CHCHD3: variants seen among roughly 807,000 people sequenced by gnomAD.
CHCHD3 encodes MICOS complex subunit MIC19.
A neutral mutation model predicts 38.2 loss-of-function variants in CHCHD3; 20 were observed. That is an observed-to-expected ratio of 0.52 (90% confidence interval 0.37 to 0.76). CHCHD3 has a LOEUF of 0.76. Ranked by LOEUF, CHCHD3 falls within the 30% of genes least tolerant of loss-of-function variation. The pLI, the probability that CHCHD3 is intolerant of heterozygous loss-of-function variation, is 0.00. For synonymous variants in CHCHD3, 82 were observed against 100.0 expected (o/e 0.82, Z 1.07); for missense variants, 245 against 279.2 (o/e 0.88, Z 0.87).
intron 3 of CHCHD3, among the ~76,000 whole-genome samples, chr7:132,992,273 C>T (rs1812302550): frequency 6.6e-6 from 1 of 152,152 alleles, no homozygotes; most frequent in Non-Finnish European, 1.5e-5. Flanking sequence ...AGCCTCAGTG[C>T]ACCCCATTCT....
chr7:133,041,120 T>C (rs1412158826), intron 2 of CHCHD3, among the ~76,000 whole-genome samples: 1 of 152,222 alleles, frequency 6.6e-6, no homozygotes, highest in Non-Finnish European at 1.5e-5. Flanking sequence ...CATGTGTTTA[T>C]GTATATTGTT....
chr7:132,941,848 C>G (rs1810773482), intron 4 of CHCHD3, among the ~76,000 whole-genome samples: 1 of 152,168 alleles, frequency 6.6e-6, no homozygotes. Context: ...TCTGCCAGTC[C>G]TGATTAACAT....
chr7:132,927,227 T>C (rs1054366925), intron 4 of CHCHD3, among the ~76,000 whole-genome samples: 1 of 152,234 alleles, frequency 6.6e-6, no homozygotes, highest in Admixed American at 6.5e-5. Flanking sequence ...ATAAATGTTC[T>C]ACAAACTACT....
At chr7:132,810,342 A>G (rs1421165696) in intron 6 of CHCHD3, among the ~76,000 whole-genome samples, 1 of 152,240 alleles carries the variant, frequency 6.6e-6, no homozygotes, top group African/African-American at 2.4e-5. Flanking sequence ...AAGCATCCAC[A>G]CGGTAACTCT....
At chr7:132,920,944 C>T (rs987959293) in intron 4 of CHCHD3, among the ~76,000 whole-genome samples, 10 of 152,066 alleles carry the variant, frequency 6.6e-5, no homozygotes, top group African/African-American at 2.4e-4. Context: ...CTAAACATCA[C>T]TTATTTTCTG....
At chr7:132,831,620 A>T (rs909041627) in intron 6 of CHCHD3, among the ~76,000 whole-genome samples, 5 of 152,228 alleles carry the variant, frequency 3.3e-5, no homozygotes, top group African/African-American at 9.6e-5. Flanking sequence ...AATAGCTCAA[A>T]CTTTTGAAAT....
intron 1 of CHCHD3, among the ~76,000 whole-genome samples, chr7:133,070,697 T>C (rs530763470): frequency 6.9e-6 from 1 of 145,808 alleles, no homozygotes; most frequent in Non-Finnish European, 1.5e-5. Context: ...ACAGATTTCA[T>C]GATGGATCAA....
At chr7:132,845,894 T>C (rs1410076794) in intron 5 of CHCHD3, among the ~76,000 whole-genome samples, 2 of 152,182 alleles carry the variant, frequency 1.3e-5, no homozygotes, top group African/African-American at 4.8e-5. Flanking sequence ...ATTGGCAATA[T>C]TGAAAAATGA....
intron 3 of CHCHD3, among the ~76,000 whole-genome samples, chr7:133,004,333 A>G (rs1812646173): frequency 2.6e-5 from 4 of 152,204 alleles, no homozygotes; most frequent in Admixed American, 2.6e-4. Flanking sequence ...CAGATCCATC[A>G]GTTTTTCCAT....
At chr7:133,023,715 A>G (rs986329597) in intron 3 of CHCHD3, among the ~76,000 whole-genome samples, 4 of 152,204 alleles carry the variant, frequency 2.6e-5, no homozygotes, top group Non-Finnish European at 1.5e-5. Context: ...TAAAACTTCA[A>G]AAAGTAGTAT....
chr7:132,986,655 C>T (rs1812132917), intron 3 of CHCHD3, among the ~76,000 whole-genome samples: 1 of 152,144 alleles, frequency 6.6e-6, no homozygotes, highest in Non-Finnish European at 1.5e-5. Flanking sequence ...CAAGAAACAG[C>T]AAACCAGTTC....
At chr7:133,058,545 C>A (rs891558355) in intron 2 of CHCHD3, among the ~76,000 whole-genome samples, 6 of 152,184 alleles carry the variant, frequency 3.9e-5, no homozygotes, top group African/African-American at 1.4e-4. Flanking sequence ...TTTGGGGGAG[C>A]TGTTGACCTT....
At chr7:133,029,483 C>T (rs1490122087) in intron 2 of CHCHD3, among the ~76,000 whole-genome samples, 7 of 152,178 alleles carry the variant, frequency 4.6e-5, no homozygotes, top group Non-Finnish European at 8.8e-5. Flanking sequence ...TAGGTAAGAA[C>T]ATACAGTATT....
intron 4 of CHCHD3, among the ~76,000 whole-genome samples, chr7:132,897,436 G>T (rs1283102746): frequency 6.6e-6 from 1 of 152,086 alleles, no homozygotes; most frequent in African/African-American, 2.4e-5. Context: ...CTCTTTTCTT[G>T]CAATCTGTTT....
chr7:132,810,295 G>A (rs1020017603), intron 6 of CHCHD3, among the ~76,000 whole-genome samples: 10 of 152,100 alleles, frequency 6.6e-5, no homozygotes, highest in South Asian at 2.1e-4. Context: ...AAGTTCATAC[G>A]GGTGTATAAG....
In CHCHD3 at chr7:133,000,891, T is replaced by C. The variant is rs934952983; in HGVS notation, c.251+23655A>G. Among the ~76,000 whole-genome samples the C allele has an allele frequency of 2.6e-5, 4 of 152,166 alleles. No homozygotes were observed. The South Asian group carries it at 6.2e-4, about 24-fold the overall frequency. On this transcript the variant is annotated intron_variant, in intron 3 of 7. Transcript: ENST00000262570. ...AGTGTTTAATAGTCACCTGTGACCATAGGACAGCACAGAGCTACAGTAAGT... is the reference window on the plus strand; with the variant it reads ...AGTGTTTAATAGTCACCTGTGACCACAGGACAGCACAGAGCTACAGTAAGT...
At chr7:132,785,788 T>C (rs1806300735) in intron 7 of CHCHD3, 128 bp from the exon 8 acceptor site, 1 of 964,194 alleles carries the variant, frequency 1.0e-6, no homozygotes, top group African/African-American at 1.6e-5. Flanking sequence ...AAACAAGGCA[T>C]ATGCTTCCTG....
chr7:132,869,595 A>T lies in CHCHD3; in HGVS notation c.453+16067T>A, dbSNP rs187856368. On this transcript the variant is annotated intron_variant, in intron 5 of 7. Coordinates refer to ENST00000262570, the MANE Select transcript of CHCHD3 (RefSeq NM_017812.4). ...AAATCTGCTGCCCCCACCCTCCATG[A>T]CTTGCTTTAGAGTCAGGATCTCGCT... Among the ~76,000 whole-genome samples the T allele has an allele frequency of 3.3e-5, 5 of 152,078 alleles. 1 individual carries two copies. In the East Asian group the frequency reaches 7.7e-4, roughly 23 times the overall value.
At chr7:132,908,623 G>A (rs542804642) in intron 4 of CHCHD3, among the ~76,000 whole-genome samples, 11 of 152,132 alleles carry the variant, frequency 7.2e-5, no homozygotes, top group East Asian at 5.8e-4. Context: ...TAAGATACCC[G>A]AAGAAGAAAG....
Sources: gnomAD v4.1 joint callset for allele counts (sites outside exome capture counted in the v4.1 genomes callset) on GRCh38, gnomAD v4.1.1 for gene constraint, MANE v1.5 for transcripts, NCBI Gene and HGNC (gene_info 2026-07-23, HGNC 2026-07-21) for gene names.